The following FRMD3 variants were observed in gnomAD, a reference collection of about 807,000 sequenced individuals.
FRMD3 encodes the protein FERM domain containing 3.
In FRMD3, 33 loss-of-function variants were observed where a neutral mutation model predicts 70.2. The observed-to-expected ratio is 0.47, with a 90% CI of 0.36 to 0.63. FRMD3 has a LOEUF of 0.63. Among genes scored for constraint, FRMD3 ranks in the 20% least tolerant of loss-of-function variants. The pLI, the probability that FRMD3 is intolerant of heterozygous loss-of-function variation, is 0.00. For synonymous variants in FRMD3, 279 were observed against 255.9 expected (o/e 1.09, Z -0.86); for missense variants, 632 against 711.4 (o/e 0.89, Z 1.27).
chr9:83,244,372 A>AACTT (rs1587601508), downstream of FRMD3, among the ~76,000 whole-genome samples: 5 of 152,130 alleles, frequency 3.3e-5, no homozygotes, highest in Admixed American at 2.6e-4. Context: ...TTCTCTGGTT[A>AACTT]ACTTAATATC....
At chr9:83,351,464 CCT>C (rs1491573331) in intron 3 of FRMD3, among the ~76,000 whole-genome samples, 3 of 151,572 alleles carry the variant, frequency 2.0e-5, no homozygotes, top group African/African-American at 7.3e-5. Context: ...AAGAAAAGAA[CCT>C]TTTTTTTTTC....
chr9:83,406,926 G>A (rs1329936889), intron 1 of FRMD3, among the ~76,000 whole-genome samples: 1 of 152,044 alleles, frequency 6.6e-6, no homozygotes, highest in Non-Finnish European at 1.5e-5. Flanking sequence ...TCCGCAAAAT[G>A]CCCCACCACC....
chr9:83,362,175 TTCTC>T (rs67469418), intron 3 of FRMD3, among the ~76,000 whole-genome samples: 69,354 of 146,738 alleles, frequency 0.47, 16,695 homozygotes, highest in Non-Finnish European at 0.54. Context: ...ATGCTGTTGG[TTCTC>T]TCTCTCTCTC....
Position 83,538,163 on chromosome 9 carries a change from G to A in FRMD3, c.69C>T (p.Ser23=). Residue 23 remains serine (S), a synonymous_variant, in exon 1 of 14, where the codon TCC becomes TCT. Coordinates refer to ENST00000304195, the MANE Select transcript of FRMD3 (RefSeq NM_174938.6). The surrounding 1 kb of genome is among the most constrained non-coding windows in gnomAD (Gnocchi z 4.7). ...TCTCCTGGCTGAGCGATTTGACGCT[G>A]GAGCTCCGAAAGTGGATCATTTTCA... is the stretch of plus-strand genomic sequence containing the variant. ...RTMKMIHFRS[S]SVKSLSQEMR... 1 of 1,612,622 alleles carries A rather than the reference G, an allele frequency of 6.2e-7. No homozygotes were observed. The highest frequency in any genetic ancestry group is 8.5e-7 in the Non-Finnish European group (1 of 1,179,420).
intron 1 of FRMD3, among the ~76,000 whole-genome samples, chr9:83,404,580 G>A (rs1037526340): frequency 1.3e-5 from 2 of 152,192 alleles, no homozygotes; most frequent in African/African-American, 4.8e-5. Context: ...TCTCAGGGAT[G>A]CACTCGTAAG....
chr9:83,415,540 T>C (rs1356000402), intron 1 of FRMD3, among the ~76,000 whole-genome samples: 1 of 150,770 alleles, frequency 6.6e-6, no homozygotes, highest in African/African-American at 2.4e-5. Context: ...CCTCCTGGGT[T>C]CACACCATAC....
chr9:83,535,470 G>C (rs1829872801), intron 1 of FRMD3, among the ~76,000 whole-genome samples: 1 of 152,098 alleles, frequency 6.6e-6, no homozygotes, highest in Non-Finnish European at 1.5e-5. Context: ...TAGTGAACAG[G>C]AGTGAACAAC....
chr9:83,550,325 A>G, the FRMD3 span, among the ~76,000 whole-genome samples: 1 of 152,114 alleles, frequency 6.6e-6, no homozygotes, highest in East Asian at 1.9e-4. Flanking sequence ...TTATACCTGT[A>G]CTATGCTGTT....
chr9:83,382,251 T>C (rs1185929420), intron 2 of FRMD3, among the ~76,000 whole-genome samples: 4 of 152,178 alleles, frequency 2.6e-5, no homozygotes, highest in African/African-American at 4.8e-5. Context: ...AGCTAGCCTC[T>C]AGATTCATGG....
chr9:83,395,263 C>G (rs1351858676), intron 1 of FRMD3, among the ~76,000 whole-genome samples: 2 of 125,520 alleles, frequency 1.6e-5, no homozygotes, highest in African/African-American at 6.2e-5. Flanking sequence ...CCAGAACTGT[C>G]CTCTATAGAT....
chr9:83,363,139 C>T (rs1824663755), intron 3 of FRMD3, among the ~76,000 whole-genome samples: 1 of 152,068 alleles, frequency 6.6e-6, no homozygotes, highest in Non-Finnish European at 1.5e-5. Flanking sequence ...AACATAACTA[C>T]ATATAATAAA....
At chr9:83,406,486 T>C (rs1826107604) in intron 1 of FRMD3, among the ~76,000 whole-genome samples, 1 of 152,144 alleles carries the variant, frequency 6.6e-6, no homozygotes, top group Non-Finnish European at 1.5e-5. Context: ...CAGCTAGGGC[T>C]CTTAGGATGG....
the FRMD3 span, among the ~76,000 whole-genome samples, chr9:83,567,583 G>A: frequency 6.6e-6 from 1 of 152,084 alleles, no homozygotes; most frequent in Non-Finnish European, 1.5e-5. Context: ...GCTTTTAACA[G>A]CACCCAAGTC....
the FRMD3 span, among the ~76,000 whole-genome samples, chr9:83,575,430 T>G: frequency 6.6e-6 from 1 of 152,148 alleles, no homozygotes; most frequent in Non-Finnish European, 1.5e-5. Context: ...AATGGGTTAC[T>G]GGCCCATGTG....
In FRMD3 at chr9:83,479,704, G is replaced by GAAAGAAAGAAAGAAAGAAAGAA. The variant is rs1828505404; in HGVS notation, c.147+58380_147+58381insTTCTTTCTTTCTTTCTTTCTTT. Among the ~76,000 whole-genome samples, 82 of 64,874 alleles carry GAAAGAAAGAAAGAAAGAAAGAA rather than the reference G, an allele frequency of 1.3e-3. 3 individuals carry two copies. The highest frequency in any genetic ancestry group is 6.0e-3 in the African/African-American group (81 of 13,400). 42.6% of individuals were successfully genotyped at this position (64,874 alleles called of 152,430 possible). On this transcript the variant is annotated intron_variant, in intron 1 of 13. Transcript: ENST00000304195. ...AGAAAGAAAGAAAGAAAGAAAGAAA[G>GAAAGAAAGAAAGAAAGAAAGAA]AAAGAAAGAAAGAAAGAAAAGAAAG...
At chr9:83,373,946 T>C (rs1825063469) in intron 2 of FRMD3, among the ~76,000 whole-genome samples, 1 of 152,178 alleles carries the variant, frequency 6.6e-6, no homozygotes, top group Admixed American at 6.5e-5. Flanking sequence ...TCCATATTCT[T>C]TGATGTAAAT....
At chr9:83,311,843 A>G (rs759793292) in intron 8 of FRMD3, 44 bp downstream of exon 8, 42 of 1,365,476 alleles carry the variant, frequency 3.1e-5, no homozygotes, top group Non-Finnish European at 6.3e-6. Context: ...GGAGGAATCA[A>G]GATTAAGAAA....
intron 1 of FRMD3, among the ~76,000 whole-genome samples, chr9:83,405,968 A>C (rs1826090293): frequency 6.6e-6 from 1 of 151,790 alleles, no homozygotes; most frequent in African/African-American, 2.4e-5. Context: ...CTTGTGTTTC[A>C]TTTCACATAG....
chr9:83,488,958 A>G (rs1828747848), intron 1 of FRMD3, among the ~76,000 whole-genome samples: 1 of 140,828 alleles, frequency 7.1e-6, no homozygotes, highest in Admixed American at 7.2e-5. Flanking sequence ...GCTGGAGCTT[A>G]GCCCCCTATA....
Sources: gnomAD v4.1 joint callset for allele counts (sites outside exome capture counted in the v4.1 genomes callset) on GRCh38, gnomAD v4.1.1 for gene constraint, Gnocchi (gnomAD v3.1) non-coding constraint, MANE v1.5 for transcripts, NCBI Gene and HGNC (gene_info 2026-07-23, HGNC 2026-07-21) for gene names.